Variants in OPCML observed in about 807,000 individuals in gnomAD.
OPCML encodes the protein opioid binding protein/cell adhesion molecule like.
In OPCML, 13 loss-of-function variants were observed where a neutral mutation model predicts 37.8. The ratio of observed to expected loss-of-function variants is 0.34; its 90% CI spans 0.22 to 0.55. The LOEUF is 0.55. Ranked by LOEUF, OPCML falls within the 20% of genes least tolerant of loss-of-function variation. The pLI is 0.91. For missense variants in OPCML, 341 were observed against 435.6 expected, an observed-to-expected ratio of 0.78 and a Z score of 1.93; for synonymous variants, 176 against 168.8, an observed-to-expected ratio of 1.04 and a Z score of -0.33.
chr11:132,522,399 A>G (rs182287528), intron 4 of OPCML, among the ~76,000 whole-genome samples: 2 of 152,360 alleles, frequency 1.3e-5, no homozygotes, highest in Admixed American at 1.3e-4. Flanking sequence ...GGCTGCTGGC[A>G]CATTCAATGA....
At chr11:133,217,699 G>A (rs1053754488) in intron 1 of OPCML, among the ~76,000 whole-genome samples, 1 of 152,184 alleles carries the variant, frequency 6.6e-6, no homozygotes, top group Admixed American at 6.5e-5. Context: ...ATTTCTGGCA[G>A]AGGTTTAAGA....
At chr11:132,931,865 C>T (rs1350880310) in intron 2 of OPCML, among the ~76,000 whole-genome samples, 2 of 152,124 alleles carry the variant, frequency 1.3e-5, no homozygotes, top group Non-Finnish European at 2.9e-5. Flanking sequence ...AGAGTGAATG[C>T]AATCCAAGCA....
chr11:133,421,851 C>A (rs1945893426), intron 1 of OPCML: 1 of 808,840 alleles, frequency 1.2e-6, no homozygotes, highest in African/African-American at 1.9e-5. Context: ...CCTACTGTAA[C>A]CTCTCGGAAT....
At chr11:132,914,474 C>T (rs550962684) in intron 2 of OPCML, among the ~76,000 whole-genome samples, 36 of 152,134 alleles carry the variant, frequency 2.4e-4, no homozygotes, top group African/African-American at 5.8e-4. Flanking sequence ...CTTCTGTATA[C>T]GGAAAAATAA....
intron 2 of OPCML, among the ~76,000 whole-genome samples, chr11:132,730,520 TAA>T (rs1945041929): frequency 6.6e-6 from 1 of 152,074 alleles, no homozygotes; most frequent in Non-Finnish European, 1.5e-5. Context: ...TTTGATAGTA[TAA>T]AAATGTGGTG....
intron 1 of OPCML, among the ~76,000 whole-genome samples, chr11:133,397,233 T>C (rs1337649533): frequency 6.6e-6 from 1 of 152,226 alleles, no homozygotes; most frequent in Non-Finnish European, 1.5e-5. Context: ...GAATGGTCTA[T>C]GTCTCTTCCT....
At position 132,645,649 on chromosome 11, in the gene OPCML, AAGGAAGTAC is replaced by A. The variant is rs566679441; in HGVS notation, c.379+11429_379+11437del. Among the ~76,000 whole-genome samples, 737 of 152,350 alleles carry A rather than the reference AAGGAAGTAC, an allele frequency of 4.8e-3. 3 individuals are homozygous for A. Among genetic ancestry groups the A allele is most frequent in the South Asian group, 0.015 (72 of 4,824 alleles). On this transcript the variant is annotated intron_variant, in intron 3 of 7. Transcript: ENST00000524381. ...TGAAACAAAAAGCTACAGGTATCAC[AAGGAAGTAC>A]AGGTAAAGTGGCAGCTGGAATTTTT... is the stretch of plus-strand genomic sequence containing the variant.
chr11:133,076,794 C>T (rs1388500957), intron 1 of OPCML, among the ~76,000 whole-genome samples: 1 of 152,092 alleles, frequency 6.6e-6, no homozygotes, highest in African/African-American at 2.4e-5. Flanking sequence ...GGTGATGGAG[C>T]AGCGTGAAAC....
At chr11:133,204,909 T>TATATATATATACAC (rs1350609719) in intron 1 of OPCML, among the ~76,000 whole-genome samples, 1 of 130,686 alleles carries the variant, frequency 7.7e-6, no homozygotes, top group Non-Finnish European at 1.6e-5. Flanking sequence ...TATATATATA[T>TATATATATATACAC]ACATACACAT....
intron 1 of OPCML, among the ~76,000 whole-genome samples, chr11:133,466,566 C>T (rs1197130053): frequency 6.6e-6 from 1 of 152,160 alleles, no homozygotes; most frequent in Non-Finnish European, 1.5e-5. Context: ...CCCAACAAGA[C>T]AATTTGGGAT....
intron 2 of OPCML, among the ~76,000 whole-genome samples, chr11:132,796,565 C>CTTTTTTTTT (rs71067396): frequency 2.3e-5 from 2 of 88,556 alleles, no homozygotes; most frequent in African/African-American, 9.1e-5. Context: ...TTTCTTCTTT[C>CTTTTTTTTT]TTTTTTTTTT....
intron 1 of OPCML, chr11:133,420,751 C>T: frequency 1.0e-6 from 1 of 985,378 alleles, no homozygotes; most frequent in Non-Finnish European, 1.2e-6. Flanking sequence ...TAAAAAGTAA[C>T]TAGAATTCAG....
intron 4 of OPCML, among the ~76,000 whole-genome samples, chr11:132,511,353 T>C (rs1355157306): frequency 6.6e-6 from 1 of 152,158 alleles, no homozygotes; most frequent in Non-Finnish European, 1.5e-5. Flanking sequence ...TGTTCCAAAA[T>C]TAACATATAA....
intron 2 of OPCML, among the ~76,000 whole-genome samples, chr11:132,687,386 A>AATCTG (rs1334302675): frequency 3.2e-5 from 1 of 31,242 alleles, no homozygotes; most frequent in African/African-American, 1.9e-4. Flanking sequence ...ATATATATAT[A>AATCTG]TATATATATA....
chr11:133,439,156 A>G (rs1033326132), intron 1 of OPCML: 2 of 352,806 alleles, frequency 5.7e-6, no homozygotes, highest in Non-Finnish European at 7.9e-6. Flanking sequence ...GAAACCTGGG[A>G]CTTGTGATTG....
intron 2 of OPCML, among the ~76,000 whole-genome samples, chr11:132,761,372 G>A (rs1348266000): frequency 6.6e-6 from 1 of 151,852 alleles, no homozygotes; most frequent in Non-Finnish European, 1.5e-5. Flanking sequence ...GGTTGGGGAA[G>A]TTCTACTGGA....
At chr11:133,338,282 C>T (rs564764358) in intron 1 of OPCML, among the ~76,000 whole-genome samples, 5 of 152,320 alleles carry the variant, frequency 3.3e-5, no homozygotes, top group Admixed American at 6.5e-5. Context: ...GCCACTGGCT[C>T]TCTTGCTACA....
chr11:132,807,917 AAT>A (rs137941364), intron 2 of OPCML, among the ~76,000 whole-genome samples: 6,835 of 152,280 alleles, frequency 0.045, 351 homozygotes, highest in African/African-American at 0.13. Flanking sequence ...AGGCCATCAA[AAT>A]TCTGATTTGT....
rs145885433 is a variant in OPCML, at chr11:133,166,006, A to G, written c.62-222996T>C. On this transcript the variant is annotated intron_variant, in intron 1 of 7. Coordinates refer to ENST00000524381, the MANE Select transcript of OPCML (RefSeq NM_001012393.5). ...ATCTTGAAAGACTTAGCGAATGCCT[A>G]TTCTGTGTCAACTACTATTCCACAA... Among the ~76,000 whole-genome samples the G allele has an allele frequency of 1.5e-3, 221 of 152,332 alleles. 1 individual carries two copies. Among genetic ancestry groups the G allele is most frequent in the African/African-American group, 5.2e-3 (218 of 41,582 alleles).
Sources: gnomAD v4.1 joint callset for allele counts (sites outside exome capture counted in the v4.1 genomes callset) on GRCh38, gnomAD v4.1.1 for gene constraint, MANE v1.5 for transcripts, NCBI Gene and HGNC (gene_info 2026-07-23, HGNC 2026-07-21) for gene names.